The following AKR1C3 variants were observed in gnomAD, a reference collection of about 807,000 sequenced individuals.
The protein encoded by AKR1C3 is aldo-keto reductase family 1 member C3, also known as 3-alpha hydroxysteroid dehydrogenase, type II.
A neutral mutation model predicts 43.6 loss-of-function variants in AKR1C3; 48 were observed. The observed-to-expected ratio is 1.10, with a 90% CI of 0.87 to 1.40. The LOEUF (loss-of-function observed/expected upper bound fraction) is 1.40. Ranked by LOEUF, AKR1C3 falls within the 40% of genes most tolerant of loss-of-function variation. AKR1C3 has a pLI of 0.00. For synonymous variants in AKR1C3, 162 were observed against 139.6 expected (o/e 1.16, Z -1.13); for missense variants, 482 against 391.2 (o/e 1.23, Z -1.96).
intron 7 of AKR1C3, among the ~76,000 whole-genome samples, chr10:5,104,873 G>C (rs1026153255): frequency 2.0e-5 from 3 of 152,046 alleles, no homozygotes; most frequent in Non-Finnish European, 4.4e-5. Flanking sequence ...CTAATGTGTA[G>C]AAATGTTAAA....
chr10:5,090,356 C>T (rs1285463541), upstream of AKR1C3, among the ~76,000 whole-genome samples: 1 of 152,082 alleles, frequency 6.6e-6, no homozygotes, highest in Non-Finnish European at 1.5e-5. Context: ...GATCCACAAC[C>T]TGGGTAGTCA....
At chr10:5,093,081 T>C (rs1487191835), upstream of AKR1C3, among the ~76,000 whole-genome samples, 4 of 152,052 alleles carry the variant, frequency 2.6e-5, no homozygotes, top group African/African-American at 9.7e-5. Context: ...AAATACCTAC[T>C]GGCTTTTGAA....
intron 1 of AKR1C3, chr10:5,080,809 G>A (rs1838821226): frequency 6.6e-6 from 1 of 152,220 alleles, no homozygotes; most frequent in South Asian, 2.1e-4. Context: ...CACCATGTTT[G>A]TGCTCACTGT....
At chr10:5,073,377 C>A (rs1308252300) in intron 1 of AKR1C3, among the ~76,000 whole-genome samples, 7 of 152,174 alleles carry the variant, frequency 4.6e-5, no homozygotes, top group Non-Finnish European at 1.0e-4. Flanking sequence ...GGAGAACAGA[C>A]TTGACAGTTG....
upstream of AKR1C3, among the ~76,000 whole-genome samples, chr10:5,092,540 G>T (rs538273584): frequency 6.1e-4 from 88 of 144,198 alleles, no homozygotes; most frequent in Middle Eastern, 3.3e-3. Context: ...CCCTAAACAT[G>T]TAGATTATAT....
At chr10:5,087,800 AT>A (rs1196417757) in intron 1 of AKR1C3, among the ~76,000 whole-genome samples, 2 of 149,586 alleles carry the variant, frequency 1.3e-5, no homozygotes, top group African/African-American at 2.5e-5. Flanking sequence ...CTTTATACCT[AT>A]TTTTTTTCTT....
intron 1 of AKR1C3, among the ~76,000 whole-genome samples, chr10:5,061,597 G>A (rs1554780257): frequency 6.6e-6 from 1 of 152,156 alleles, no homozygotes; most frequent in African/African-American, 2.4e-5. Flanking sequence ...TATATGTTGT[G>A]CATAAAAGGA....
intron 7 of AKR1C3, among the ~76,000 whole-genome samples, chr10:5,103,877 G>A (rs1049781893): frequency 6.6e-6 from 1 of 152,130 alleles, no homozygotes; most frequent in Non-Finnish European, 1.5e-5. Flanking sequence ...AGTGTTGGAG[G>A]AAGTGTTTCT....
At chr10:5,102,674 C>G (rs1316079284) in intron 7 of AKR1C3, 24 bp downstream of exon 7, 7 of 1,450,766 alleles carry the variant, frequency 4.8e-6, no homozygotes, top group Non-Finnish European at 6.4e-6. Context: ...CTGTGGGCCT[C>G]AGGTCTCCTG....
At chr10:5,055,469 CA>C in intron 1 of AKR1C3, among the ~76,000 whole-genome samples, 1 of 152,340 alleles carries the variant, frequency 6.6e-6, no homozygotes, top group East Asian at 1.9e-4. Flanking sequence ...ATGCCATTTA[CA>C]TCATGAGTAG....
rs539374167 is a variant in AKR1C3, at chr10:5,049,036, T to C, written c.84+141T>C. 5.4e-4 allele frequency: 335 copies of C among 624,362 alleles called. 1 individual carries two copies. In the South Asian group the frequency reaches 6.7e-3, roughly 12 times the overall value. The allele number at this position is 624,362 out of a possible 1,614,324, so 38.7% of individuals were successfully genotyped here. A position where few individuals can be genotyped will look rare whatever the true frequency, so the allele number is the denominator to read the frequency against. On this transcript the variant is annotated intron_variant, in intron 1 of 8. Transcript: ENST00000439082. ...GTTTCCCTAGGTTAAAGCTATACTG[T>C]ATGTACAAAGAGAAAAAGTCAACCT...
upstream of AKR1C3, among the ~76,000 whole-genome samples, chr10:5,091,410 T>A (rs1456186305): frequency 6.6e-6 from 1 of 152,186 alleles, no homozygotes; most frequent in South Asian, 2.1e-4. Flanking sequence ...CCTAAACATG[T>A]ATTTTTCAGA....
chr10:5,048,965 T>C lies in AKR1C3; in HGVS notation c.84+70T>C, dbSNP rs527746153. 15 of 1,282,358 alleles carry C rather than the reference T, an allele frequency of 1.2e-5. No individual in the cohort carries two copies. In the Admixed American group the frequency reaches 1.9e-4, roughly 16 times the overall value. The allele number at this position is 1,282,358 out of a possible 1,614,324, so 79.4% of individuals were successfully genotyped here. A position where few individuals can be genotyped will look rare whatever the true frequency, so the allele number is the denominator to read the frequency against. Reference sequence around the variant, plus strand: ...CAGAATAAGTGGAAGCTGACCTGGGTTGTCAGGTTTGTGTTCGTGTATTAC... The same window carrying C: ...CAGAATAAGTGGAAGCTGACCTGGGCTGTCAGGTTTGTGTTCGTGTATTAC... On this transcript the variant is annotated intron_variant, in intron 1 of 8. Transcript: ENST00000439082.
At chr10:5,056,247 G>T (rs1838259621) in intron 1 of AKR1C3, among the ~76,000 whole-genome samples, 1 of 152,124 alleles carries the variant, frequency 6.6e-6, no homozygotes, top group Non-Finnish European at 1.5e-5. Flanking sequence ...TGGGATGTGT[G>T]GTCTGTGGGA....
chr10:5,088,939 A>G (rs1437277920), intron 1 of AKR1C3, among the ~76,000 whole-genome samples: 1 of 152,000 alleles, frequency 6.6e-6, no homozygotes, highest in Non-Finnish European at 1.5e-5. Flanking sequence ...TGGTATCATA[A>G]TATTTTTATA....
At chr10:5,050,233 C>A (rs576508046) in intron 1 of AKR1C3, among the ~76,000 whole-genome samples, 2 of 152,298 alleles carry the variant, frequency 1.3e-5, no homozygotes, top group African/African-American at 4.8e-5. Flanking sequence ...TTGCACATGA[C>A]CCAAACACTG....
intron 1 of AKR1C3, among the ~76,000 whole-genome samples, chr10:5,051,973 G>A (rs1426754092): frequency 6.6e-6 from 1 of 152,184 alleles, no homozygotes; most frequent in Non-Finnish European, 1.5e-5. Flanking sequence ...GTTAGGATCG[G>A]GGGTGGTGTG....
chr10:5,089,939 G>T (rs1412945474), upstream of AKR1C3, among the ~76,000 whole-genome samples: 5 of 152,108 alleles, frequency 3.3e-5, no homozygotes, highest in East Asian at 7.7e-4. Context: ...GCCCTTGAGG[G>T]TGTGATTGTA....
chr10:5,096,542 A>G lies in AKR1C3; in HGVS notation c.217A>G (p.Ser73Gly). Residue 73 changes from serine to glycine, a missense_variant, in exon 2 of 9, where the codon AGT becomes GGT. Transcript: ENST00000380554. ...LAIRSKIADG[S>G]VKREDIFYTS... ...CATCCGAAGCAAGATTGCAGATGGC[A>G]GTGTGAAGAGAGAAGACATATTCTA... 6.2e-7 allele frequency: 1 copy of G among 1,613,834 alleles called. No homozygotes were observed. The highest frequency in any genetic ancestry group is 8.5e-7 in the Non-Finnish European group (1 of 1,179,770).
Sources: gnomAD v4.1 joint callset for allele counts (sites outside exome capture counted in the v4.1 genomes callset) on GRCh38, gnomAD v4.1.1 for gene constraint, MANE v1.5 for transcripts, NCBI Gene and HGNC (gene_info 2026-07-23, HGNC 2026-07-21) for gene names.